The following MOB1B variants were observed in gnomAD, a reference collection of about 807,000 sequenced individuals.
MOB1B encodes MOB kinase activator 1B, also known as MOB1 Mps One Binder homolog B.
Under a neutral mutation model 24.4 loss-of-function variants are expected in MOB1B, and 19 were observed. The observed-to-expected ratio is 0.78, with a 90% CI of 0.54 to 1.14. The LOEUF (loss-of-function observed/expected upper bound fraction) is 1.14, where lower values mean the gene tolerates loss of function less well. MOB1B is among the 50% of genes most tolerant of loss of function. The pLI is 0.00. For missense variants in MOB1B, 243 were observed against 259.6 expected (o/e 0.94, Z 0.44); for synonymous variants, 76 against 82.1 (o/e 0.93, Z 0.40).
intron 2 of MOB1B, among the ~76,000 whole-genome samples, chr4:70,966,374 CT>C (rs777364803): frequency 3.0e-3 from 420 of 137,978 alleles, no homozygotes; most frequent in East Asian, 4.6e-3. Context: ...GTGAGTCCCA[CT>C]TTTTTTTTTT....
Position 70,975,240 on chromosome 4 carries a change from G to C in MOB1B, c.363G>C (p.Trp121Cys), listed in dbSNP as rs1738936101. 6.2e-7 allele frequency: 1 copy of C among 1,613,384 alleles called. No individual in the cohort carries two copies. The highest frequency in any genetic ancestry group is 1.3e-5 in the African/African-American group (1 of 74,874). Residue 121 changes from tryptophan (W) to cysteine (C), a missense_variant, in exon 4 of 6, where the codon TGG becomes TGC. Transcript: ENST00000309395. Reference sequence around the variant, plus strand: ...AGTATATTGATTACTTGATGACTTGGGTTCAGGACCAGTTGGATGATGAGA... The same window carrying C: ...AGTATATTGATTACTTGATGACTTGCGTTCAGGACCAGTTGGATGATGAGA... The part of the protein sequence containing the change: ...APKYIDYLMT[W>C]VQDQLDDETL...
At chr4:70,981,147 T>TA (rs1739199505) in intron 5 of MOB1B, among the ~76,000 whole-genome samples, 1 of 152,234 alleles carries the variant, frequency 6.6e-6, no homozygotes, top group Non-Finnish European at 1.5e-5. Context: ...ATATGATATA[T>TA]ACCCATTTGT....
chr4:70,940,255 C>T (rs1485041388), intron 1 of MOB1B, among the ~76,000 whole-genome samples: 4 of 152,154 alleles, frequency 2.6e-5, no homozygotes, highest in Non-Finnish European at 1.5e-5. Context: ...AGTGCCTGTC[C>T]TCACCTAGGT....
intron 1 of MOB1B, among the ~76,000 whole-genome samples, chr4:70,913,106 G>C (rs1736060052): frequency 6.6e-6 from 1 of 152,076 alleles, no homozygotes; most frequent in Non-Finnish European, 1.5e-5. Context: ...TGACTTTTAT[G>C]ACCTTTACAT....
chr4:70,902,660 T>G, intron 1 of MOB1B, 110 bp downstream of exon 1: 1 of 1,026,796 alleles, frequency 9.7e-7, no homozygotes, highest in Non-Finnish European at 1.3e-6. Context: ...GGCCCAGCGC[T>G]CCCGGGGCCC....
chr4:70,969,086 G>T (rs567296594), intron 2 of MOB1B, among the ~76,000 whole-genome samples: 33 of 152,206 alleles, frequency 2.2e-4, no homozygotes, highest in African/African-American at 7.5e-4. Flanking sequence ...TGTTCCATTG[G>T]TGTACTAAAA....
chr4:70,954,094 T>G (rs1336711978), intron 1 of MOB1B, among the ~76,000 whole-genome samples: 1 of 152,160 alleles, frequency 6.6e-6, no homozygotes, highest in Admixed American at 6.6e-5. Context: ...TAAAAAAATT[T>G]TCTTTTAAAC....
intron 1 of MOB1B, among the ~76,000 whole-genome samples, chr4:70,943,384 C>T (rs1737427730): frequency 6.6e-6 from 1 of 152,142 alleles, no homozygotes; most frequent in African/African-American, 2.4e-5. Flanking sequence ...GGATGACATC[C>T]AGTATCTCAA....
At chr4:70,924,715 G>T (rs1422300119) in intron 1 of MOB1B, among the ~76,000 whole-genome samples, 1 of 152,078 alleles carries the variant, frequency 6.6e-6, no homozygotes, top group Non-Finnish European at 1.5e-5. Flanking sequence ...TCCCATCTAT[G>T]CATCTATGAG....
In MOB1B at chr4:70,947,645, G is replaced by T. The variant is rs532483095; in HGVS notation, c.15-11229G>T. Among the ~76,000 whole-genome samples the T allele has an allele frequency of 5.3e-5, 8 of 152,044 alleles. No individual in the cohort carries two copies. In the South Asian group the frequency reaches 1.7e-3, roughly 32 times the overall value. ...AGAATTTTATTTATTTATTTATTTT[G>T]AAGCAGGGTCTCACTCTGTTGCCCA... On this transcript the variant is annotated intron_variant, in intron 1 of 5. Transcript: ENST00000309395.
intron 4 of MOB1B, chr4:70,975,490 G>A: frequency 7.9e-7 from 1 of 1,262,490 alleles, no homozygotes; most frequent in Non-Finnish European, 9.9e-7. Flanking sequence ...TGTGAATTGA[G>A]CTTTTCCCCT....
Position 70,963,717 on chromosome 4 carries a change from G to A in MOB1B, c.181+4677G>A, listed in dbSNP as rs1328295776. ...CACCTGTGGTCCCAGCTACTTGAGA[G>A]GCTGAGGTGGGAAGATCGCTTGAGC... On this transcript the variant is annotated intron_variant, in intron 2 of 5. Transcript: ENST00000309395. 2.6e-5 allele frequency among the ~76,000 whole-genome samples: 4 copies of A among 152,144 alleles called. No homozygotes were observed. In the East Asian group the frequency reaches 7.7e-4, roughly 29 times the overall value.
chr4:70,907,862 C>T (rs1046917619), intron 1 of MOB1B, among the ~76,000 whole-genome samples: 1 of 151,980 alleles, frequency 6.6e-6, no homozygotes, highest in Non-Finnish European at 1.5e-5. Flanking sequence ...CCCGGGCTGT[C>T]CTCAAACTTC....
At chr4:70,956,794 T>C (rs950070581) in intron 1 of MOB1B, among the ~76,000 whole-genome samples, 3 of 152,172 alleles carry the variant, frequency 2.0e-5, no homozygotes, top group African/African-American at 7.2e-5. Flanking sequence ...ATGAGGAACA[T>C]CGGTTTAATT....
intron 2 of MOB1B, among the ~76,000 whole-genome samples, chr4:70,965,971 A>G (rs925545016): frequency 6.6e-6 from 1 of 152,022 alleles, no homozygotes; most frequent in Non-Finnish European, 1.5e-5. Context: ...CTTAAAAAAA[A>G]CTGTAATCTA....
At chr4:70,950,791 A>T (rs1425672151) in intron 1 of MOB1B, 53 of 1,529,148 alleles carry the variant, frequency 3.5e-5, no homozygotes, top group Non-Finnish European at 4.6e-5. Flanking sequence ...CTATGGAAGG[A>T]GCTACTGATG....
intron 1 of MOB1B, among the ~76,000 whole-genome samples, chr4:70,924,535 A>G (rs1035067317): frequency 1.1e-4 from 17 of 152,168 alleles, no homozygotes; most frequent in African/African-American, 4.1e-4. Context: ...CACAACGTGC[A>G]GTTTTGATAC....
chr4:70,927,355 A>C (rs913961336), intron 1 of MOB1B, among the ~76,000 whole-genome samples: 1 of 152,152 alleles, frequency 6.6e-6, no homozygotes, highest in Non-Finnish European at 1.5e-5. Context: ...CCTGGCCAAC[A>C]TGATGAAACC....
chr4:70,934,607 C>G (rs1302557870), intron 1 of MOB1B, among the ~76,000 whole-genome samples: 4 of 151,002 alleles, frequency 2.6e-5, no homozygotes, highest in African/African-American at 9.7e-5. Context: ...GCGACTGCCA[C>G]CATGCTTGGC....
Sources: allele counts gnomAD v4.1 joint callset (sites outside exome capture counted in the v4.1 genomes callset), GRCh38; gene constraint gnomAD v4.1.1; transcripts MANE v1.5; gene names NCBI Gene and HGNC (gene_info 2026-07-23, HGNC 2026-07-21).